The following ZBED6 variants were observed in gnomAD, a reference collection of about 807,000 sequenced individuals.
ZBED6 encodes zinc finger BED domain-containing protein 6.
ZBED6 carries 40 observed loss-of-function variants against 58.4 expected under a neutral mutation model. The ratio of observed to expected loss-of-function variants is 0.68; its 90% CI spans 0.53 to 0.89. The LOEUF (loss-of-function observed/expected upper bound fraction) is 0.89, where lower values mean the gene tolerates loss of function less well. ZBED6 is among the 40% of genes least tolerant of loss of function. ZBED6 has a pLI of 0.00. For missense variants in ZBED6, 1,057 were observed against 1,003.9 expected (o/e 1.05, Z -0.71); for synonymous variants, 439 against 350.6 (o/e 1.25, Z -2.82).
intron 3 of ZBED6, among the ~76,000 whole-genome samples, chr1:203,827,722 A>ACACACATCCCACAC (rs1681039478): frequency 1.3e-5 from 2 of 151,976 alleles, no homozygotes; most frequent in Non-Finnish European, 2.9e-5. Context: ...AAGGATACCT[A>ACACACATCCCACAC]ACATCCTTAG....
chr1:203,828,483 A>G, intron 4 of ZBED6, 61 bp downstream of exon 4: 1 of 1,540,414 alleles, frequency 6.5e-7, no homozygotes, highest in East Asian at 2.4e-5. Context: ...CACACTGTAC[A>G]ACAGTACTTT....
exon 9 of ZBED6, chr1:203,833,827 G>C: frequency 6.2e-7 from 1 of 1,610,474 alleles, no homozygotes; most frequent in East Asian, 2.2e-5. Context: ...CTTACTGAGA[G>C]ACTGGGGAAA....
intron 1 of ZBED6, among the ~76,000 whole-genome samples, chr1:203,813,148 T>C (rs1675086244): frequency 6.6e-6 from 1 of 152,182 alleles, no homozygotes; most frequent in African/African-American, 2.4e-5. Context: ...TTAACAGAGC[T>C]TTCACAGAGC....
chr1:203,841,780 G>T (rs1377810315), intron 11 of ZBED6, among the ~76,000 whole-genome samples: 1 of 149,220 alleles, frequency 6.7e-6, no homozygotes, highest in Non-Finnish European at 1.5e-5. Flanking sequence ...CCGGGTGGAG[G>T]CGCCCCCCAC....
In ZBED6 at chr1:203,833,020, G is replaced by A. The variant is rs367845514; in HGVS notation, c.*3511-771G>A. Among the ~76,000 whole-genome samples the A allele has an allele frequency of 1.2e-4, 18 of 151,210 alleles. No individual in the cohort carries two copies. The South Asian group carries it at 3.6e-3, about 30-fold the overall frequency. ...AGGCTGAGGCGGGCGGATCGCTTGA[G>A]GCCAGGAGTTCAAGACCAGCCTGGC... On this transcript the variant is annotated intron_variant, in intron 8 of 16. Transcript: ENST00000550078.
chr1:203,852,009 T>C, intron 16 of ZBED6, 132 bp from the exon 17 acceptor site: 1 of 319,000 alleles, frequency 3.1e-6, no homozygotes, highest in Non-Finnish European at 6.1e-6. Context: ...TGATCCCAAA[T>C]CAGTAAAAGA....
At chr1:203,838,244 GA>G (rs1187778775) in intron 10 of ZBED6, among the ~76,000 whole-genome samples, 180 bp downstream of exon 10, 2 of 152,074 alleles carry the variant, frequency 1.3e-5, no homozygotes, top group Non-Finnish European at 2.9e-5. Context: ...AGACACCATT[GA>G]AAAAAACACC....
At chr1:203,835,495 TC>T (rs1219399042) in intron 9 of ZBED6, 1 of 157,156 alleles carries the variant, frequency 6.4e-6, no homozygotes, top group Non-Finnish European at 1.4e-5. Flanking sequence ...CAATAACAGT[TC>T]TAGATTTTAA....
exon 1 of ZBED6, chr1:203,800,318 C>A: frequency 1.1e-6 from 1 of 889,668 alleles, no homozygotes; most frequent in Non-Finnish European, 1.8e-6. Flanking sequence ...AGATCATGAG[C>A]CTGGACTTTG....
At chr1:203,820,493 GTT>G (rs751296620) in intron 3 of ZBED6, among the ~76,000 whole-genome samples, 3 of 103,804 alleles carry the variant, frequency 2.9e-5, no homozygotes, top group Non-Finnish European at 4.5e-5. Context: ...TATATTTTGA[GTT>G]GAGACAGAGT....
At chr1:203,847,069 G>A in intron 11 of ZBED6, 115 bp from the exon 12 acceptor site, 1 of 1,113,056 alleles carries the variant, frequency 9.0e-7, no homozygotes, top group Non-Finnish European at 1.3e-6. Flanking sequence ...CCTTTTAATT[G>A]CCTGCTTAAA....
At chr1:203,826,755 A>G (rs1680649701) in intron 3 of ZBED6, among the ~76,000 whole-genome samples, 1 of 152,200 alleles carries the variant, frequency 6.6e-6, no homozygotes, top group East Asian at 1.9e-4. Context: ...ATTCGACATA[A>G]TGCAGTTCAT....
chr1:203,841,674 C>T (rs899956960), intron 11 of ZBED6, among the ~76,000 whole-genome samples: 7 of 152,224 alleles, frequency 4.6e-5, no homozygotes, highest in Admixed American at 3.9e-4. Context: ...TTGGGTACAC[C>T]TCCCAGACGG....
At position 203,831,885 on chromosome 1, in the gene ZBED6, C is replaced by A. The variant is rs551532370; in HGVS notation, c.*3510+114C>A. The A allele has an allele frequency of 8.1e-5, 63 of 775,704 alleles. No homozygotes were observed. The African/African-American group carries it at 9.5e-4, about 12-fold the overall frequency. The allele number at this position is 775,704 out of a possible 1,614,324, so 48.1% of individuals were successfully genotyped here. ...GAATTTTCAGGAATTTGTTAGTATGCTGATGAGATAATCTAAAGATGAAAA... is the reference window on the plus strand; with the variant it reads ...GAATTTTCAGGAATTTGTTAGTATGATGATGAGATAATCTAAAGATGAAAA... On this transcript the variant is annotated intron_variant, in intron 8 of 16. Coordinates refer to ENST00000550078, the Ensembl canonical transcript of ZBED6.
At chr1:203,813,060 T>C (rs995720002) in intron 1 of ZBED6, among the ~76,000 whole-genome samples, 1 of 152,204 alleles carries the variant, frequency 6.6e-6, no homozygotes, top group African/African-American at 2.4e-5. Context: ...TTATATATTT[T>C]GTATATCAGA....
At chr1:203,832,632 A>G (rs1682767710) in intron 8 of ZBED6, among the ~76,000 whole-genome samples, 1 of 152,144 alleles carries the variant, frequency 6.6e-6, no homozygotes, top group African/African-American at 2.4e-5. Flanking sequence ...AATTGCTGGG[A>G]TTATAGGTGT....
At chr1:203,827,679 C>CT (rs2102988227) in intron 3 of ZBED6, among the ~76,000 whole-genome samples, 1 of 145,666 alleles carries the variant, frequency 6.9e-6, no homozygotes, top group South Asian at 2.1e-4. Flanking sequence ...AAGACTCTGT[C>CT]TCAAAAAAAA....
intron 10 of ZBED6, among the ~76,000 whole-genome samples, chr1:203,838,954 C>CAAAA (rs59033094): frequency 4.7e-4 from 46 of 97,824 alleles, no homozygotes; most frequent in East Asian, 1.9e-3. Context: ...GACTTCATCT[C>CAAAA]AAAAAAAAAA....
At position 203,845,664 on chromosome 1, in the gene ZBED6, A is replaced by G. The variant is rs1572345482; in HGVS notation, c.*3742-1520A>G. ...AAATCTCTTGAGACCAGGAGTTTTG[A>G]GACCAGCCTGGCCAACATGGCAAAA... On this transcript the variant is annotated intron_variant, in intron 11 of 16. Transcript: ENST00000550078. 2.0e-5 allele frequency among the ~76,000 whole-genome samples: 3 copies of G among 152,102 alleles called. No individual in the cohort carries two copies. In the East Asian group the frequency reaches 5.8e-4, roughly 30 times the overall value.
Sources: gnomAD v4.1 joint callset for allele counts (sites outside exome capture counted in the v4.1 genomes callset) on GRCh38, gnomAD v4.1.1 for gene constraint, MANE v1.5 for transcripts, NCBI Gene and HGNC (gene_info 2026-07-23, HGNC 2026-07-21) for gene names.